The following CACNA2D4 variants were observed in gnomAD, a reference collection of about 807,000 sequenced individuals.
CACNA2D4 encodes voltage-dependent calcium channel subunit alpha-2/delta-4.
In CACNA2D4, 157 loss-of-function variants were observed where a neutral mutation model predicts 163.8. The observed-to-expected ratio is 0.96, with a 90% CI of 0.84 to 1.09. The LOEUF is 1.09. Ranked by LOEUF, CACNA2D4 falls within the 50% of genes least tolerant of loss-of-function variation. The probability of loss-of-function intolerance (pLI) is 0.00; values close to 1 mark genes in which losing one functional copy is unlikely to be tolerated. For missense variants in CACNA2D4, 1,410 were observed against 1,479.9 expected (o/e 0.95, Z 0.78); for synonymous variants, 598 against 586.9 (o/e 1.02, Z -0.27).
chr12:1,914,958 G>A (rs369243290), intron 1 of CACNA2D4, 23 bp from the exon 2 acceptor site: 16 of 1,550,306 alleles, frequency 1.0e-5, no homozygotes, highest in African/African-American at 6.8e-5. Context: ...GAAAGGACAC[G>A]CGTATACACA....
In CACNA2D4 at chr12:1,909,158, C is replaced by T. The variant is rs560355977; in HGVS notation, c.486+748G>A. ...ACACAGGGCCCAGGTCCCACTGTTT[C>T]CTCAACCAACCTGGTGTTTGTTTAT... On this transcript the variant is annotated intron_variant, in intron 4 of 37. Transcript: ENST00000382722. Among the ~76,000 whole-genome samples the T allele has an allele frequency of 6.6e-5, 10 of 152,350 alleles. No homozygotes were observed. In the South Asian group the frequency reaches 1.9e-3, roughly 28 times the overall value.
chr12:1,821,995 A>T (rs1011479776), intron 26 of CACNA2D4: 4 of 151,494 alleles, frequency 2.6e-5, no homozygotes, highest in Non-Finnish European at 5.9e-5. Context: ...GAGGCGGGGG[A>T]AGTCCAGCTG....
Position 1,856,063 on chromosome 12 carries a change from G to A in CACNA2D4, c.2101C>T (p.Gln701Ter). ...DIDPDHRKLS[Q>*]LEAMIRFLTR... ...AGGAAGCGGATCATGGCCTCTAGCT[G>A]GCTGAGCTTCCGGTGGTCTGGGTCA... is the stretch of plus-strand genomic sequence containing the variant. Residue 701 changes from glutamine to a stop codon, truncating the protein, a stop_gained, in exon 22 of 38, where the codon CAG becomes TAG. Transcript: ENST00000382722. LOFTEE classifies it high-confidence loss of function. 2 of 1,614,006 alleles carry A rather than the reference G, an allele frequency of 1.2e-6. No homozygotes were observed. Among genetic ancestry groups the A allele is most frequent in the Non-Finnish European group, 1.7e-6 (2 of 1,179,876 alleles).
At position 1,850,266 on chromosome 12, in the gene CACNA2D4, G is replaced by A. The variant is rs79639749; in HGVS notation, c.2247-3577C>T. ...CAAGCTCAGGTGGCTTTCAGTCTGA[G>A]AGGCGAGAAGTCCAATCTGGGCATA... On this transcript the variant is annotated intron_variant, in intron 23 of 37. Coordinates refer to ENST00000382722, the MANE Select transcript of CACNA2D4 (RefSeq NM_172364.5). Among the ~76,000 whole-genome samples, 5 of 152,224 alleles carry A rather than the reference G, an allele frequency of 3.3e-5. No individual in the cohort carries two copies. The East Asian group carries it at 9.6e-4, about 29-fold the overall frequency.
chr12:1,795,580 C>T, intron 36 of CACNA2D4, 88 bp downstream of exon 36: 4 of 1,011,182 alleles, frequency 4.0e-6, no homozygotes, highest in Non-Finnish European at 6.2e-6. Context: ...GTGAAGGAGG[C>T]TGGCCCCGCT....
chr12:1,830,981 C>T lies in CACNA2D4; in HGVS notation c.2551+9758G>A, dbSNP rs771977331. The T allele has an allele frequency of 1.9e-6, 3 of 1,613,694 alleles. No homozygotes were observed. In the South Asian group the frequency reaches 3.3e-5, roughly 18 times the overall value. ...TGTATGCTGTGGAGGCCCTCCCCACCTGCCCTTTCTCCTGCAAGTGTGACA... is the reference window on the plus strand; with the variant it reads ...TGTATGCTGTGGAGGCCCTCCCCACTTGCCCTTTCTCCTGCAAGTGTGACA... On this transcript the variant is annotated intron_variant, in intron 26 of 37. Coordinates refer to ENST00000382722, the MANE Select transcript of CACNA2D4 (RefSeq NM_172364.5).
chr12:1,865,145 G>C (rs992274635), intron 18 of CACNA2D4, among the ~76,000 whole-genome samples: 1 of 152,222 alleles, frequency 6.6e-6, no homozygotes, highest in African/African-American at 2.4e-5. Context: ...AGGGGAGAAG[G>C]GGCTCTCGGC....
At chr12:1,855,958 T>C in intron 22 of CACNA2D4, 54 bp downstream of exon 22, 7 of 1,433,486 alleles carry the variant, frequency 4.9e-6, no homozygotes, top group Non-Finnish European at 6.9e-6. Context: ...GGCAAAGTCC[T>C]GAACTTCAGG....
chr12:1,885,920 A>G, intron 9 of CACNA2D4, 45 bp downstream of exon 9: 1 of 1,414,184 alleles, frequency 7.1e-7, no homozygotes, highest in Non-Finnish European at 1.0e-6. Flanking sequence ...CACCATCCAG[A>G]CAAGAGCAGG....
At chr12:1,871,623 A>G (rs1053167206) in intron 18 of CACNA2D4, among the ~76,000 whole-genome samples, 7 of 144,114 alleles carry the variant, frequency 4.9e-5, no homozygotes, top group African/African-American at 1.8e-4. Flanking sequence ...TCGTGTGTGC[A>G]TGTGTACACG....
At position 1,802,796 on chromosome 12, in the gene CACNA2D4, A is replaced by G. The variant is rs1863384547; in HGVS notation, c.2722-1152T>C. 6.6e-6 allele frequency among the ~76,000 whole-genome samples: 1 copy of G among 152,086 alleles called. No individual in the cohort carries two copies. Among genetic ancestry groups the G allele is most frequent in the South Asian group, 2.1e-4 (1 of 4,832 alleles). On this transcript the variant is annotated intron_variant, in intron 29 of 37. Transcript: ENST00000382722. This position sits in a 1 kb window ranked among gnomAD's most constrained non-coding sequence, Gnocchi z 4.7. ...ACTTCTTTCCTCACCCTCGCTGGGAAGTCTTTCTATTCTAACTTTCCCAGC... is the reference window on the plus strand; with the variant it reads ...ACTTCTTTCCTCACCCTCGCTGGGAGGTCTTTCTATTCTAACTTTCCCAGC...
At chr12:1,885,894 T>A in intron 9 of CACNA2D4, 71 bp downstream of exon 9, 1 of 1,126,242 alleles carries the variant, frequency 8.9e-7, no homozygotes, top group Non-Finnish European at 1.3e-6. Context: ...AGAAACAGTC[T>A]ACAGAGACAA....
Position 1,843,374 on chromosome 12 carries a change from G to A in CACNA2D4, c.2470+1028C>T, listed in dbSNP as rs1204678665. 6.6e-6 allele frequency among the ~76,000 whole-genome samples: 1 copy of A among 152,202 alleles called. No homozygotes were observed. Among genetic ancestry groups the A allele is most frequent in the Admixed American group, 6.5e-5 (1 of 15,288 alleles). ...GCAAAGTGGTGGTGGAAGGCCTTTG[G>A]CAGAAGGGCGTCCTAAAGGGGAAGT... On this transcript the variant is annotated intron_variant, in intron 25 of 37. Coordinates refer to ENST00000382722, the MANE Select transcript of CACNA2D4 (RefSeq NM_172364.5). This position sits in a 1 kb window ranked among gnomAD's most constrained non-coding sequence, Gnocchi z 4.6.
intron 2 of CACNA2D4, 97 bp from the exon 3 acceptor site, chr12:1,913,236 TC>T (rs1273048860): frequency 3.6e-6 from 3 of 832,430 alleles, no homozygotes; most frequent in Non-Finnish European, 6.1e-6. Context: ...ACAGATGCAT[TC>T]CGGCACATGG....
chr12:1,828,018 C>T lies in CACNA2D4; in HGVS notation c.2551+12721G>A. The T allele has an allele frequency of 1.4e-6, 1 of 733,776 alleles. No individual in the cohort carries two copies. Among genetic ancestry groups the T allele is most frequent in the Non-Finnish European group, 2.1e-6 (1 of 484,012 alleles). The allele number at this position is 733,776 out of a possible 1,614,324, so 45.5% of individuals were successfully genotyped here. A position where few individuals can be genotyped will look rare whatever the true frequency, so the allele number is the denominator to read the frequency against. On this transcript the variant is annotated intron_variant, in intron 26 of 37. Transcript: ENST00000382722. The surrounding 1 kb of genome is among the most constrained non-coding windows in gnomAD (Gnocchi z 4.2). ...AGACACCCGGGCCCTCTCCCTAACC[C>T]CTGGGCTGGAACGGGGCTCCCGCGC...
Position 1,884,375 on chromosome 12 carries a change from T to C in CACNA2D4, c.1273-54A>G, listed in dbSNP as rs1866083407. On this transcript the variant is annotated intron_variant, in intron 11 of 37. Transcript: ENST00000382722. ...CAGCAAAATTCCCGGCCATAAGTAA[T>C]GTTAACATTGTTTATATGAGTCTTA... The C allele has an allele frequency of 3.6e-6, 5 of 1,404,772 alleles. No homozygotes were observed. In the East Asian group the frequency reaches 9.3e-5, roughly 26 times the overall value. 87.0% of individuals were successfully genotyped at this position (1,404,772 alleles called of 1,614,324 possible).
rs370241088 is a variant in CACNA2D4 at position 1,810,530 on chromosome 12, G to A, written c.2658+13C>T. The A allele has an allele frequency of 1.2e-4, 179 of 1,552,756 alleles. 1 individual carries two copies. The highest frequency in any genetic ancestry group is 9.0e-4 in the South Asian group (76 of 84,230). On this transcript the variant is annotated intron_variant, in intron 28 of 37. Transcript: ENST00000382722. Reference sequence around the variant, plus strand: ...GCTCCCTCCTCCACCTTCCTCACACGGGCAGAACTTACACTGTCCTCGCAG... The same window carrying A: ...GCTCCCTCCTCCACCTTCCTCACACAGGCAGAACTTACACTGTCCTCGCAG...
intron 23 of CACNA2D4, among the ~76,000 whole-genome samples, chr12:1,851,641 TG>T: frequency 8.6e-6 from 1 of 116,630 alleles, no homozygotes; most frequent in South Asian, 3.2e-4. Flanking sequence ...TTGCTTTTTT[TG>T]GTGTGTGTTT....
At chr12:1,809,392 T>A (rs778027106) in intron 29 of CACNA2D4, 1 of 622,796 alleles carries the variant, frequency 1.6e-6, no homozygotes, top group Non-Finnish European at 2.9e-6. Flanking sequence ...CTTGCCCACA[T>A]CACGTTTCTA....
Sources: gnomAD v4.1 joint callset for allele counts (sites outside exome capture counted in the v4.1 genomes callset) on GRCh38, gnomAD v4.1.1 for gene constraint, Gnocchi (gnomAD v3.1) non-coding constraint, MANE v1.5 for transcripts, NCBI Gene and HGNC (gene_info 2026-07-23, HGNC 2026-07-21) for gene names.